AFAP1: variants seen among roughly 807,000 people sequenced by gnomAD.
The protein encoded by AFAP1 is actin filament associated protein 1.
A neutral mutation model predicts 93.9 loss-of-function variants in AFAP1; 75 were observed. The ratio of observed to expected loss-of-function variants is 0.80; its 90% CI spans 0.66 to 0.97. The LOEUF (loss-of-function observed/expected upper bound fraction) is 0.97, where lower values mean the gene tolerates loss of function less well. Among genes scored for constraint, AFAP1 ranks in the 50% least tolerant of loss-of-function variants. The probability of loss-of-function intolerance (pLI) is 0.00; values close to 1 mark genes in which losing one functional copy is unlikely to be tolerated. For synonymous variants in AFAP1, 517 were observed against 430.7 expected, an observed-to-expected ratio of 1.20 and a Z score of -2.48; for missense variants, 1,201 against 1,050.8, an observed-to-expected ratio of 1.14 and a Z score of -1.98.
At position 7,816,070 on chromosome 4, in the gene AFAP1, A is replaced by G. The variant is rs1344789752; in HGVS notation, c.852T>C (p.Asp284=). The change falls in exon 8 of 18, where the codon GAT becomes GAC. Residue 284 remains aspartate (D), a synonymous_variant. Coordinates refer to ENST00000420658, the MANE Select transcript of AFAP1 (RefSeq NM_001134647.2). ...KKLSSERPSS[D]GEGVVENGIT... is the part of the protein sequence containing the mutation. ...TTCCATTTTCCACAACACCCTCCCC[A>G]TCTGAGCTGGGTCTCTCTGAAGACA... 6.2e-7 allele frequency: 1 copy of G among 1,612,716 alleles called. No individual in the cohort carries two copies. The highest frequency in any genetic ancestry group is 1.1e-5 in the South Asian group (1 of 90,990).
chr4:7,920,873 A>G (rs1304259373), intron 1 of AFAP1, among the ~76,000 whole-genome samples: 2 of 152,194 alleles, frequency 1.3e-5, no homozygotes, highest in Non-Finnish European at 2.9e-5. Context: ...CCTGAAAAAT[A>G]TCTTCTACAG....
intron 1 of AFAP1, among the ~76,000 whole-genome samples, chr4:7,915,768 G>C (rs900314366): frequency 9.8e-5 from 15 of 152,350 alleles, no homozygotes; most frequent in Admixed American, 7.8e-4. Flanking sequence ...GCCGCCCTGC[G>C]GCAAGCCCCT....
chr4:7,909,667 A>G (rs1045969805), intron 1 of AFAP1, among the ~76,000 whole-genome samples: 1 of 152,220 alleles, frequency 6.6e-6, no homozygotes, highest in African/African-American at 2.4e-5. Flanking sequence ...TAAGCTAGTG[A>G]AAGCATAAGG....
At chr4:7,928,451 C>A (rs778962784) in intron 1 of AFAP1, among the ~76,000 whole-genome samples, 2 of 152,078 alleles carry the variant, frequency 1.3e-5, no homozygotes, top group African/African-American at 2.4e-5. Flanking sequence ...GCAGTGACGC[C>A]ATCTCGGCTC....
chr4:7,847,981 T>C (rs940318096), intron 4 of AFAP1, among the ~76,000 whole-genome samples: 14 of 151,364 alleles, frequency 9.2e-5, no homozygotes, highest in African/African-American at 2.7e-4. Context: ...CCATAGGAGA[T>C]TGACAGATTA....
At chr4:7,851,530 C>A (rs1313107921) in intron 4 of AFAP1, among the ~76,000 whole-genome samples, 1 of 152,182 alleles carries the variant, frequency 6.6e-6, no homozygotes, top group Non-Finnish European at 1.5e-5. Context: ...ATGATGTAAA[C>A]AGACCTCAGC....
At chr4:7,922,530 G>A (rs569846724) in intron 1 of AFAP1, among the ~76,000 whole-genome samples, 7 of 152,326 alleles carry the variant, frequency 4.6e-5, no homozygotes, top group African/African-American at 1.4e-4. Flanking sequence ...TAAATTCTAA[G>A]TGCAGCTCTC....
chr4:7,896,452 C>T lies in AFAP1; in HGVS notation c.-2-24372G>A, dbSNP rs188959756. Among the ~76,000 whole-genome samples the T allele has an allele frequency of 9.2e-5, 14 of 152,192 alleles. No homozygotes were observed. The East Asian group carries it at 1.9e-3, about 21-fold the overall frequency. On this transcript the variant is annotated intron_variant, in intron 1 of 17. Coordinates refer to ENST00000420658, the MANE Select transcript of AFAP1 (RefSeq NM_001134647.2). ...CACCTCTGCCTACTCCCTCCCCAAC[C>T]CCATGGTCTGTAAAACAGCTCTTCT...
chr4:7,811,663 C>T (rs572849712), intron 8 of AFAP1, among the ~76,000 whole-genome samples: 2 of 152,264 alleles, frequency 1.3e-5, no homozygotes, highest in Middle Eastern at 6.8e-3. Context: ...GAAGAGACGG[C>T]ACAGGCACAG....
Position 7,768,943 on chromosome 4 carries a change from G to A in AFAP1, c.2319C>T (p.Thr773=), listed in dbSNP as rs367769936. Reference sequence around the variant, plus strand: ...CGCTGTTCACCGGCACGGGGCCCTCGGTGTCACTGGTGTCACAGCTGGAGA... The same window carrying A: ...CGCTGTTCACCGGCACGGGGCCCTCAGTGTCACTGGTGTCACAGCTGGAGA... The part of the protein sequence containing the change: ...SPISSCDTSD[T]EGPVPVNSAA... The change falls in exon 17 of 18, where the codon ACC becomes ACT. Residue 773 remains threonine (T), a synonymous_variant. Transcript: ENST00000420658. The A allele has an allele frequency of 1.1e-4, 175 of 1,613,684 alleles. No homozygotes were observed. The highest frequency in any genetic ancestry group is 1.5e-4 in the Admixed American group (9 of 59,988).
intron 7 of AFAP1, 49 bp downstream of exon 7, chr4:7,819,027 A>G: frequency 6.8e-7 from 1 of 1,467,712 alleles, no homozygotes; most frequent in African/African-American, 1.4e-5. Flanking sequence ...AAGAGACCCC[A>G]ATCCACTGCA....
intron 3 of AFAP1, among the ~76,000 whole-genome samples, chr4:7,858,442 GGT>G (rs1318434646): frequency 6.6e-6 from 1 of 152,094 alleles, no homozygotes; most frequent in Non-Finnish European, 1.5e-5. Flanking sequence ...CGGCCACAGG[GGT>G]TTCAGACACT....
At chr4:7,800,361 G>C (rs1047056497) in intron 10 of AFAP1, 81 bp downstream of exon 10, 24 of 1,434,210 alleles carry the variant, frequency 1.7e-5, no homozygotes, top group Non-Finnish European at 2.3e-5. Flanking sequence ...AATTTTGATA[G>C]AGGAGTCAGC....
chr4:7,765,101 CTCAATCAA>C (rs150464610), intron 17 of AFAP1, among the ~76,000 whole-genome samples: 5 of 151,936 alleles, frequency 3.3e-5, no homozygotes, highest in African/African-American at 9.7e-5. Context: ...AAGACCCTGT[CTCAATCAA>C]TCAATCAATC....
chr4:7,844,204 G>A (rs1713402421), intron 4 of AFAP1, among the ~76,000 whole-genome samples: 1 of 152,116 alleles, frequency 6.6e-6, no homozygotes, highest in East Asian at 1.9e-4. Flanking sequence ...GTAGAGATAG[G>A]ACTTTTAGGA....
chr4:7,800,552 G>A lies in AFAP1; in HGVS notation c.1156C>T (p.His386Tyr), dbSNP rs533762046. 5 of 1,614,162 alleles carry A rather than the reference G, an allele frequency of 3.1e-6. No homozygotes were observed. In the African/African-American group the frequency reaches 4.0e-5, roughly 13 times the overall value. Residue 386 changes from histidine to tyrosine, a missense_variant, in exon 10 of 18, where the codon CAT (histidine) becomes TAT (tyrosine). Physicochemically the swap from His to Tyr is moderately conservative, Grantham distance 83 (BLOSUM62 2). Transcript: ENST00000420658. ...FHKDRTDLKT[H>Y]IVSIPLRGCE... is the part of the protein sequence containing the mutation. The stretch of plus-strand genomic sequence containing the variant: ...CCACGGAGCGGAATAGACACAATAT[G>A]GGTCTTCAGGTCGGTCCTGTCCTTG...
rs1721292053 is a variant in AFAP1, at chr4:7,824,871, GA to G, written c.727-5701del. Reference sequence around the variant, plus strand: ...ACATTATTTGGGTGATGGATACCCTGAAATCTCTGATTTGACCACTATGCAA... The same window carrying G: ...ACATTATTTGGGTGATGGATACCCTGAATCTCTGATTTGACCACTATGCAA... On this transcript the variant is annotated intron_variant, in intron 6 of 17. Coordinates refer to ENST00000420658, the MANE Select transcript of AFAP1 (RefSeq NM_001134647.2). 3.3e-5 allele frequency among the ~76,000 whole-genome samples: 5 copies of G among 152,244 alleles called. No individual in the cohort carries two copies. The South Asian group carries it at 8.3e-4, about 25-fold the overall frequency.
At chr4:7,792,964 G>A (rs999726287) in intron 11 of AFAP1, among the ~76,000 whole-genome samples, 3 of 152,160 alleles carry the variant, frequency 2.0e-5, no homozygotes, top group South Asian at 2.1e-4. Context: ...TAATGCAAAT[G>A]TCCCAACAGT....
intron 12 of AFAP1, among the ~76,000 whole-genome samples, chr4:7,784,998 A>G (rs6857498): frequency 0.055 from 8,306 of 152,222 alleles, 776 homozygotes; most frequent in African/African-American, 0.19. Flanking sequence ...CAATAAATTT[A>G]CTTTATGTCT....
Sources: allele counts gnomAD v4.1 joint callset (sites outside exome capture counted in the v4.1 genomes callset), GRCh38; gene constraint gnomAD v4.1.1; transcripts MANE v1.5; gene names NCBI Gene and HGNC (gene_info 2026-07-23, HGNC 2026-07-21).